Variants in CNGA1 observed in about 807,000 individuals in gnomAD.
CNGA1 encodes the protein cyclic nucleotide gated channel subunit alpha 1, also known as cyclic nucleotide-gated channel alpha-1.
In CNGA1, 53 loss-of-function variants were observed where a neutral mutation model predicts 69.7. The observed-to-expected ratio is 0.76, with a 90% confidence interval of 0.61 to 0.96. The LOEUF is 0.96. Among genes scored for constraint, CNGA1 ranks in the 40% least tolerant of loss-of-function variants. The pLI is 0.00. For missense variants in CNGA1, 739 were observed against 811.2 expected (o/e 0.91, Z 1.08); for synonymous variants, 249 against 283.5 (o/e 0.88, Z 1.22).
At chr4:47,968,406 T>C (rs1740841686) in intron 3 of CNGA1, among the ~76,000 whole-genome samples, 1 of 152,098 alleles carries the variant, frequency 6.6e-6, no homozygotes, top group African/African-American at 2.4e-5. Flanking sequence ...TGAAGCACAG[T>C]CTTTCAATCA....
chr4:47,959,002 G>T (rs1010551643), intron 3 of CNGA1: 5 of 152,060 alleles, frequency 3.3e-5, no homozygotes, highest in African/African-American at 1.2e-4. Context: ...TGCCATAACA[G>T]AATTACTTTG....
chr4:47,946,220 T>G (rs1406086365), intron 6 of CNGA1, among the ~76,000 whole-genome samples: 1 of 150,640 alleles, frequency 6.6e-6, no homozygotes, highest in Non-Finnish European at 1.5e-5. Context: ...ATCAGACCCC[T>G]GCAAAAACCA....
Position 47,940,882 on chromosome 4 carries a change from A to T in CNGA1, c.546-13T>A, listed in dbSNP as rs897095908. On this transcript the variant is annotated splice_polypyrimidine_tract_variant and intron_variant, in intron 9 of 10. Coordinates refer to ENST00000514170, the MANE Select transcript of CNGA1 (RefSeq NM_001379270.1). ...ATCAAAACATGCTCTATAAAAAAAG[A>T]AACACTTGTATAAATAAAAAAGAAA... The T allele has an allele frequency of 1.1e-5, 17 of 1,530,058 alleles. No homozygotes were observed. Among genetic ancestry groups the T allele is most frequent in the Non-Finnish European group, 1.5e-5 (17 of 1,107,504 alleles). 94.8% of individuals were successfully genotyped at this position (1,530,058 alleles called of 1,614,324 possible).
At chr4:47,939,719 A>C (rs1344819985) in intron 10 of CNGA1, among the ~76,000 whole-genome samples, 1 of 152,224 alleles carries the variant, frequency 6.6e-6, no homozygotes, top group Non-Finnish European at 1.5e-5. Flanking sequence ...TGGTGTGTAG[A>C]GGAAACGCCA....
chr4:47,989,660 C>T (rs538211619), intron 2 of CNGA1, among the ~76,000 whole-genome samples: 2 of 151,948 alleles, frequency 1.3e-5, no homozygotes, highest in Non-Finnish European at 2.9e-5. Flanking sequence ...TTTTTTGTTT[C>T]CGTAGGTTAT....
chr4:47,976,216 CATACATATATATATACATATATAT>C (rs1560300994), intron 3 of CNGA1, among the ~76,000 whole-genome samples: 741 of 67,972 alleles, frequency 0.011, 63 homozygotes, highest in Non-Finnish European at 0.012. Context: ...TATATATACA[CATACATATATATATACATATATAT>C]GTATATATAT....
At chr4:48,010,009 CT>C (rs879545993) in intron 2 of CNGA1, among the ~76,000 whole-genome samples, 29 of 151,450 alleles carry the variant, frequency 1.9e-4, no homozygotes, top group Non-Finnish European at 3.5e-4. Context: ...TCATAAAGAC[CT>C]TTTTTTTTCT....
intron 3 of CNGA1, among the ~76,000 whole-genome samples, chr4:47,964,707 C>T (rs1740629896): frequency 1.3e-5 from 2 of 152,008 alleles, no homozygotes; most frequent in South Asian, 4.1e-4. Context: ...CTAAAACTGC[C>T]TTTCCAACTA....
chr4:47,965,145 C>T lies in CNGA1; in HGVS notation c.-14-12442G>A, dbSNP rs76696794. Among the ~76,000 whole-genome samples the T allele has an allele frequency of 5.0e-3, 763 of 152,158 alleles. 24 individuals carry two copies. The highest frequency in any genetic ancestry group is 0.041 in the East Asian group (214 of 5,182). On this transcript the variant is annotated intron_variant, in intron 3 of 10. Coordinates refer to ENST00000514170, the MANE Select transcript of CNGA1 (RefSeq NM_001379270.1). ...TGATATTCTGTTATAACTATCTTAA[C>T]GGATATCCAGTATGGTCCTTGGCTT...
At chr4:48,008,688 A>T (rs1715025449) in intron 2 of CNGA1, among the ~76,000 whole-genome samples, 1 of 152,226 alleles carries the variant, frequency 6.6e-6, no homozygotes, top group Admixed American at 6.5e-5. Flanking sequence ...AATTAAAGTT[A>T]TGAAACTCAC....
At chr4:47,956,824 G>C (rs1229176055) in intron 3 of CNGA1, among the ~76,000 whole-genome samples, 2 of 152,246 alleles carry the variant, frequency 1.3e-5, no homozygotes, top group East Asian at 3.9e-4. Context: ...TATTGTTGTT[G>C]TTTGAAGAAA....
intron 1 of CNGA1, among the ~76,000 whole-genome samples, chr4:48,011,484 T>C (rs929779851): frequency 2.0e-5 from 3 of 152,148 alleles, no homozygotes; most frequent in African/African-American, 7.2e-5. Context: ...AGTTCCTTTT[T>C]TAAAAAAATC....
chr4:48,013,317 G>T (rs1560318502), intron 1 of CNGA1, among the ~76,000 whole-genome samples: 1 of 152,162 alleles, frequency 6.6e-6, no homozygotes, highest in Non-Finnish European at 1.5e-5. Flanking sequence ...AGTTTATTTT[G>T]CCAAGGTTGA....
Position 47,943,179 on chromosome 4 carries a change from A to G in CNGA1, c.437+2T>C. On this transcript the variant is annotated splice_donor_variant, in intron 8 of 10. Transcript: ENST00000514170. LOFTEE classifies it high-confidence loss of function. ...TATTTCAATGCCACTAAAAGTGCTT[A>G]CTCTTCTTTCTTATCTTTGCTTTTC... 1 of 1,585,302 alleles carries G rather than the reference A, an allele frequency of 6.3e-7. No homozygotes were observed. The highest frequency in any genetic ancestry group is 8.6e-7 in the Non-Finnish European group (1 of 1,157,086).
chr4:47,980,949 T>C (rs1741678532), intron 3 of CNGA1, among the ~76,000 whole-genome samples: 1 of 98,162 alleles, frequency 1.0e-5, no homozygotes, highest in African/African-American at 3.5e-5. Context: ...GTTATAATAA[T>C]GTTGATAAAG....
At chr4:47,958,162 G>A (rs1740208448) in intron 3 of CNGA1, among the ~76,000 whole-genome samples, 1 of 151,948 alleles carries the variant, frequency 6.6e-6, no homozygotes, top group Non-Finnish European at 1.5e-5. Context: ...CCAAAGTGTT[G>A]GGATGTGAGC....
chr4:48,016,094 G>A (rs879477067), intron 1 of CNGA1, among the ~76,000 whole-genome samples: 2 of 152,140 alleles, frequency 1.3e-5, no homozygotes, highest in Non-Finnish European at 2.9e-5. Context: ...TTAATAATTC[G>A]TGGAAATAAG....
At chr4:48,008,297 G>A (rs1240897690) in intron 2 of CNGA1, among the ~76,000 whole-genome samples, 2 of 151,658 alleles carry the variant, frequency 1.3e-5, no homozygotes, top group African/African-American at 2.4e-5. Context: ...TTTTATTCTA[G>A]GTCTAAATTT....
At chr4:47,993,020 C>G (rs7677093) in intron 2 of CNGA1, among the ~76,000 whole-genome samples, 15,895 of 152,078 alleles carry the variant, frequency 0.1, 1,313 homozygotes, top group East Asian at 0.32. Context: ...TTAAACCATC[C>G]CTACATCCCT....
Sources: gnomAD v4.1 joint callset for allele counts (sites outside exome capture counted in the v4.1 genomes callset) on GRCh38, gnomAD v4.1.1 for gene constraint, MANE v1.5 for transcripts, NCBI Gene and HGNC (gene_info 2026-07-23, HGNC 2026-07-21) for gene names.